Variants in TPTE2 observed in about 807,000 individuals in gnomAD.
The protein encoded by TPTE2 is phosphatidylinositol 3,4,5-trisphosphate 3-phosphatase TPTE2.
In TPTE2, 53 loss-of-function variants were observed where a neutral mutation model predicts 78.6. The observed-to-expected ratio is 0.67, with a 90% CI of 0.54 to 0.85. The LOEUF (loss-of-function observed/expected upper bound fraction) is 0.85, where lower values mean the gene tolerates loss of function less well. Ranked by LOEUF, TPTE2 falls within the 40% of genes least tolerant of loss-of-function variation. The probability of loss-of-function intolerance (pLI) is 0.00; values close to 1 mark genes in which losing one functional copy is unlikely to be tolerated. For synonymous variants in TPTE2, 175 were observed against 206.2 expected, an observed-to-expected ratio of 0.85 and a Z score of 1.30; for missense variants, 461 against 623.0, an observed-to-expected ratio of 0.74 and a Z score of 2.77.
At chr13:19,557,806 T>G in the TPTE2 span, among the ~76,000 whole-genome samples, 36 of 152,256 alleles carry the variant, frequency 2.4e-4, no homozygotes, top group East Asian at 2.3e-3. Context: ...TTTCTCTACC[T>G]GAGAAATAGT....
At chr13:19,521,995 T>C (rs1436487235) in intron 1 of TPTE2, among the ~76,000 whole-genome samples, 1 of 152,198 alleles carries the variant, frequency 6.6e-6, no homozygotes, top group East Asian at 1.9e-4. Context: ...GTATTTCTTA[T>C]AGAGATGTCT....
At chr13:19,452,617 C>A (rs1878250495) in intron 10 of TPTE2, among the ~76,000 whole-genome samples, 1 of 152,102 alleles carries the variant, frequency 6.6e-6, no homozygotes, top group Non-Finnish European at 1.5e-5. Flanking sequence ...CAATGAAATG[C>A]CATTTGCACC....
At chr13:19,483,043 A>G (rs1312111711) in intron 3 of TPTE2, among the ~76,000 whole-genome samples, 1 of 152,228 alleles carries the variant, frequency 6.6e-6, no homozygotes. Context: ...ACTTATGTAC[A>G]TACTTTAATT....
Position 19,426,511 on chromosome 13 carries a change from G to A in TPTE2, c.1309C>T (p.His437Tyr), listed in dbSNP as rs757756704. The stretch of plus-strand genomic sequence containing the variant: ...AATATTTTGTCTGTTTCAATGTCAT[G>A]CAATATCTATGAATGAACACATGGA... The change falls in exon 18 of 20, where the codon CAT becomes TAT. Residue 437 changes from histidine to tyrosine, a missense_variant. Transcript: ENST00000400230. 1 of 1,556,674 alleles carries A rather than the reference G, an allele frequency of 6.4e-7. No individual in the cohort carries two copies. Among genetic ancestry groups the A allele is most frequent in the East Asian group, 2.2e-5 (1 of 44,548 alleles).
intron 10 of TPTE2, 80 bp downstream of exon 13, chr13:19,464,376 T>A (rs1050094924): frequency 3.8e-6 from 5 of 1,331,264 alleles, no homozygotes; most frequent in Admixed American, 2.0e-5. Context: ...AATACTGCCA[T>A]ATCTGGGTCA....
At chr13:19,515,175 C>A (rs1028367949) in intron 1 of TPTE2, among the ~76,000 whole-genome samples, 1 of 152,140 alleles carries the variant, frequency 6.6e-6, no homozygotes, top group African/African-American at 2.4e-5. Flanking sequence ...AGAATTAATG[C>A]TCTTTGCCAC....
At chr13:19,429,914 C>T (rs565429837) in intron 17 of TPTE2, among the ~76,000 whole-genome samples, 1 of 152,316 alleles carries the variant, frequency 6.6e-6, no homozygotes, top group South Asian at 2.1e-4. Context: ...TTCATTCACC[C>T]TTGCGTTGTT....
At chr13:19,453,141 C>T (rs1332708544) in intron 10 of TPTE2, among the ~76,000 whole-genome samples, 1 of 151,934 alleles carries the variant, frequency 6.6e-6, no homozygotes, top group Non-Finnish European at 1.5e-5. Context: ...AATTCTCCTG[C>T]CTCAGCCTTC....
chr13:19,474,596 A>C (rs1312492094), intron 5 of TPTE2, among the ~76,000 whole-genome samples: 2 of 152,232 alleles, frequency 1.3e-5, no homozygotes, highest in Non-Finnish European at 1.5e-5. Flanking sequence ...CCATGATTCC[A>C]TATTTATGGG....
chr13:19,560,938 G>A, the TPTE2 span: 1 of 1,597,168 alleles, frequency 6.3e-7, no homozygotes, highest in East Asian at 2.2e-5. Context: ...TACTCCCCTG[G>A]ATGGTCCTCT....
chr13:19,451,841 G>GTA (rs1159877957), intron 10 of TPTE2, among the ~76,000 whole-genome samples: 2,376 of 119,778 alleles, frequency 0.02, 51 homozygotes, highest in African/African-American at 0.05. Flanking sequence ...GTGTGTGTGT[G>GTA]TGTATATATG....
At chr13:19,435,593 G>A (rs1877018103) in intron 15 of TPTE2, among the ~76,000 whole-genome samples, 1 of 152,130 alleles carries the variant, frequency 6.6e-6, no homozygotes, top group South Asian at 2.1e-4. Flanking sequence ...GCTTCTAAAA[G>A]AAAAAACAGA....
chr13:19,482,533 A>T, exon 4 of TPTE2: 1 of 1,613,006 alleles, frequency 6.2e-7, no homozygotes, highest in Non-Finnish European at 8.5e-7. Context: ...AAACTTGGAA[A>T]GTCGTTCTAA....
chr13:19,561,469 G>A, the TPTE2 span, among the ~76,000 whole-genome samples: 1 of 151,860 alleles, frequency 6.6e-6, no homozygotes, highest in Admixed American at 6.6e-5. Context: ...ACGCCTCCCC[G>A]CAAGCCCCGA....
chr13:19,454,213 C>T (rs554119425), intron 10 of TPTE2, among the ~76,000 whole-genome samples: 1 of 152,124 alleles, frequency 6.6e-6, no homozygotes, highest in South Asian at 2.1e-4. Context: ...GTAATGTCTG[C>T]TTTGCTCATT....
intron 4 of TPTE2, among the ~76,000 whole-genome samples, chr13:19,481,914 T>C (rs1880380262): frequency 1.3e-5 from 2 of 151,994 alleles, no homozygotes; most frequent in Non-Finnish European, 2.9e-5. Flanking sequence ...ATCTCCTGAA[T>C]ATGTCTGCAG....
chr13:19,465,324 A>G lies in TPTE2; in HGVS notation c.613-6T>C, dbSNP rs111653581. On this transcript the variant is annotated splice_region_variant and splice_polypyrimidine_tract_variant and intron_variant, in intron 8 of 19. Coordinates refer to ENST00000400230, the Ensembl canonical transcript of TPTE2. ...CGCCTTTTGTTTTCTGAAACCTGAG[A>G]GTTTAAAATCATCATTAGTTTGTGA... is the stretch of plus-strand genomic sequence containing the variant. The G allele has an allele frequency of 0.022, 34,951 of 1,613,830 alleles. 534 individuals are homozygous for G. The highest frequency in any genetic ancestry group is 0.056 in the Middle Eastern group (339 of 6,052).
chr13:19,549,494 C>T, the TPTE2 span, among the ~76,000 whole-genome samples: 954 of 152,120 alleles, frequency 6.3e-3, 7 homozygotes, highest in African/African-American at 0.022. Flanking sequence ...ATTAAAAAAT[C>T]GAAAACAACA....
intron 15 of TPTE2, among the ~76,000 whole-genome samples, chr13:19,435,785 C>CAT (rs1156240201): frequency 6.6e-6 from 1 of 151,096 alleles, no homozygotes; most frequent in Non-Finnish European, 1.5e-5. Flanking sequence ...CACACACACA[C>CAT]ACACACACCA....
Sources: allele counts gnomAD v4.1 joint callset (sites outside exome capture counted in the v4.1 genomes callset), GRCh38; gene constraint gnomAD v4.1.1; transcripts MANE v1.5; gene names NCBI Gene and HGNC (gene_info 2026-07-23, HGNC 2026-07-21).